The following QSOX2 variants were observed in gnomAD, a reference collection of about 807,000 sequenced individuals.
QSOX2 encodes the protein sulfhydryl oxidase 2.
In QSOX2, 46 loss-of-function variants were observed where a neutral mutation model predicts 61.7. The observed-to-expected ratio is 0.75, with a 90% CI of 0.59 to 0.95. The LOEUF is 0.95. QSOX2 is among the 40% of genes least tolerant of loss of function. The pLI, the probability that QSOX2 is intolerant of heterozygous loss-of-function variation, is 0.00. For synonymous variants in QSOX2, 383 were observed against 388.4 expected (o/e 0.99, Z 0.16); for missense variants, 879 against 918.9 (o/e 0.96, Z 0.56).
intron 7 of QSOX2, 81 bp downstream of exon 7, chr9:136,218,949 G>C: frequency 3.2e-6 from 5 of 1,580,076 alleles, no homozygotes; most frequent in Non-Finnish European, 4.3e-6. Context: ...GTGGGTTTCT[G>C]AGTAAACCCG....
At chr9:136,244,683 T>C (rs1830456494) in intron 1 of QSOX2, among the ~76,000 whole-genome samples, 1 of 152,158 alleles carries the variant, frequency 6.6e-6, no homozygotes, top group Admixed American at 6.5e-5. Flanking sequence ...AACTCTAACC[T>C]GTAGAGCAGG....
In QSOX2 at chr9:136,224,083, G is replaced by C. The variant is rs1355271976; in HGVS notation, c.508C>G (p.Gln170Glu). 1.2e-6 allele frequency: 2 copies of C among 1,614,074 alleles called. No individual in the cohort carries two copies. Among genetic ancestry groups the C allele is most frequent in the Non-Finnish European group, 1.7e-6 (2 of 1,180,002 alleles). The change falls in exon 4 of 12, where the codon CAG becomes GAG. Residue 170 changes from glutamine (Q) to glutamate (E), a missense_variant. Physicochemically the swap from Gln to Glu is conservative, Grantham distance 29 (BLOSUM62 2). Coordinates refer to ENST00000358701, the MANE Select transcript of QSOX2 (RefSeq NM_181701.4). ...TTCTGCAGGAAGTCAATCATCGTCTGTCTGACTGTTCGCAGCTCTCGGTCA... is the reference window on the plus strand; with the variant it reads ...TTCTGCAGGAAGTCAATCATCGTCTCTCTGACTGTTCGCAGCTCTCGGTCA... ...GPDRELRTVR[Q>E]TMIDFLQNHT... is the part of the protein sequence containing the mutation.
At chr9:136,219,286 T>C (rs1180313927) in intron 6 of QSOX2, 122 bp from the exon 7 acceptor site, 1 of 1,207,962 alleles carries the variant, frequency 8.3e-7, no homozygotes, top group Non-Finnish European at 1.1e-6. Flanking sequence ...TATTGGGGCA[T>C]GGGAGTCAGT....
At position 136,208,669 on chromosome 9, in the gene QSOX2, G is replaced by A. The variant is rs1831806104; in HGVS notation, c.*59C>T. On this transcript the variant is annotated 3_prime_UTR_variant, in exon 12 of 12. Transcript: ENST00000358701. ...GATCATAAATATTAAAGCTGCAGGT[G>A]GCACGGGGCAGGGCTGCCTCCAAGG... is the stretch of plus-strand genomic sequence containing the variant. The A allele has an allele frequency of 6.6e-7, 1 of 1,511,316 alleles. No homozygotes were observed. The highest frequency in any genetic ancestry group is 8.9e-7 in the Non-Finnish European group (1 of 1,129,194). 93.6% of individuals were successfully genotyped at this position (1,511,316 alleles called of 1,614,324 possible). A position where few individuals can be genotyped will look rare whatever the true frequency, so the allele number is the denominator to read the frequency against.
chr9:136,234,587 C>A (rs1343632470), intron 1 of QSOX2, among the ~76,000 whole-genome samples: 2 of 152,308 alleles, frequency 1.3e-5, no homozygotes, highest in East Asian at 3.9e-4. Context: ...CACACAGCCC[C>A]TTCAGAGCTA....
chr9:136,214,161 TCAGGGG>T (rs2131050875), intron 10 of QSOX2, among the ~76,000 whole-genome samples: 1 of 152,274 alleles, frequency 6.6e-6, no homozygotes, highest in African/African-American at 2.4e-5. Flanking sequence ...ACAACAAAAT[TCAGGGG>T]GGATAAAAAA....
chr9:136,226,965 C>T (rs528176981), intron 1 of QSOX2, 91 bp from the exon 2 acceptor site: 31 of 1,013,022 alleles, frequency 3.1e-5, no homozygotes, highest in Non-Finnish European at 4.7e-5. Context: ...GCTGCGGCCA[C>T]CTGCGAGACC....
At chr9:136,219,225 G>C (rs1012872625) in intron 6 of QSOX2, 61 bp from the exon 7 acceptor site, 1 of 1,573,234 alleles carries the variant, frequency 6.4e-7, no homozygotes, top group Non-Finnish European at 8.6e-7. Flanking sequence ...TAAAGTAGGA[G>C]CCGTGGCATT....
chr9:136,241,312 C>T (rs900758001), intron 1 of QSOX2, among the ~76,000 whole-genome samples: 4 of 152,238 alleles, frequency 2.6e-5, no homozygotes, highest in South Asian at 2.1e-4. Flanking sequence ...CCGTCAGCCC[C>T]GCCAAATGCC....
chr9:136,227,422 C>G (rs1830292592), intron 1 of QSOX2, among the ~76,000 whole-genome samples: 2 of 152,156 alleles, frequency 1.3e-5, no homozygotes, highest in South Asian at 4.2e-4. Flanking sequence ...AACACCTATG[C>G]CATTTTGGGG....
At chr9:136,242,824 T>C (rs898902443) in intron 1 of QSOX2, among the ~76,000 whole-genome samples, 2 of 152,234 alleles carry the variant, frequency 1.3e-5, no homozygotes, top group Non-Finnish European at 2.9e-5. Flanking sequence ...CTTTCATCCC[T>C]TTCTACCCGG....
In QSOX2 at chr9:136,245,714, G is replaced by C. The variant is rs1171171702; in HGVS notation, c.90C>G (p.Ala30=). ...GCACTAGCAGCCGCGGCAGCCGTGCGGCCCGCGGCGGGGGCGAGCGCCGGG... is the reference window on the plus strand; with the variant it reads ...GCACTAGCAGCCGCGGCAGCCGTGCCGCCCGCGGCGGGGGCGAGCGCCGGG... ...LRARRSPPPR[A]ARLPRLLVLL... The change falls in exon 1 of 12, where the codon GCC becomes GCG. Residue 30 remains alanine, a synonymous_variant. Transcript: ENST00000358701. 6 of 1,143,452 alleles carry C rather than the reference G, an allele frequency of 5.2e-6. No individual in the cohort carries two copies. The highest frequency in any genetic ancestry group is 6.4e-6 in the Non-Finnish European group (6 of 932,406). The allele number at this position is 1,143,452 out of a possible 1,614,324, so 70.8% of individuals were successfully genotyped here.
At chr9:136,217,253 C>T (rs1241383937) in intron 8 of QSOX2, among the ~76,000 whole-genome samples, 2 of 152,204 alleles carry the variant, frequency 1.3e-5, no homozygotes, top group East Asian at 1.9e-4. Flanking sequence ...CTTGGGGAGG[C>T]GTCTGGCTGA....
chr9:136,215,118 C>A, intron 10 of QSOX2, 36 bp downstream of exon 10: 2 of 1,600,284 alleles, frequency 1.2e-6, no homozygotes, highest in Non-Finnish European at 1.7e-6. Context: ...GTTAGGCAGA[C>A]CATCGGCCCC....
At chr9:136,232,932 A>G (rs868808699) in intron 1 of QSOX2, among the ~76,000 whole-genome samples, 67 of 149,328 alleles carry the variant, frequency 4.5e-4, no homozygotes, top group South Asian at 6.3e-4. Flanking sequence ...AAAAAAAAAA[A>G]AAAAAAGAAA....
Position 136,223,602 on chromosome 9 carries a change from G to C in QSOX2, c.675+161C>G, listed in dbSNP as rs1830246693. On this transcript the variant is annotated intron_variant, in intron 5 of 11. Transcript: ENST00000358701. This position sits in a 1 kb window ranked among gnomAD's most constrained non-coding sequence, Gnocchi z 4.4. ...TTCTCCAGACACCAGTGACTTTGCTGAGTAACATTAACTAAGCTTCTGATA... is the reference window on the plus strand; with the variant it reads ...TTCTCCAGACACCAGTGACTTTGCTCAGTAACATTAACTAAGCTTCTGATA... 6.6e-6 allele frequency among the ~76,000 whole-genome samples: 1 copy of C among 152,108 alleles called. No homozygotes were observed. The highest frequency in any genetic ancestry group is 2.4e-5 in the African/African-American group (1 of 41,408).
At chr9:136,244,273 C>T (rs1193350716) in intron 1 of QSOX2, among the ~76,000 whole-genome samples, 1 of 152,194 alleles carries the variant, frequency 6.6e-6, no homozygotes, top group Non-Finnish European at 1.5e-5. Flanking sequence ...TCTCTGACCT[C>T]AGTTCTGAGT....
chr9:136,235,304 C>T (rs761522950), intron 1 of QSOX2, among the ~76,000 whole-genome samples: 5 of 152,254 alleles, frequency 3.3e-5, no homozygotes, highest in Admixed American at 6.5e-5. Context: ...GTCCCCACGA[C>T]GGCCACACCT....
At chr9:136,231,928 C>T (rs553762471) in intron 1 of QSOX2, among the ~76,000 whole-genome samples, 120 of 146,036 alleles carry the variant, frequency 8.2e-4, no homozygotes, top group Non-Finnish European at 1.6e-3. Context: ...CCACCCTCTC[C>T]GCCTCCTCCG....
Sources: allele counts gnomAD v4.1 joint callset (sites outside exome capture counted in the v4.1 genomes callset), GRCh38; gene constraint gnomAD v4.1.1; non-coding constraint Gnocchi (gnomAD v3.1); transcripts MANE v1.5; gene names NCBI Gene and HGNC (gene_info 2026-07-23, HGNC 2026-07-21).